SOBP: variants seen among roughly 807,000 people sequenced by gnomAD.
SOBP encodes sine oculis-binding protein homolog.
Under a neutral mutation model 53.6 loss-of-function variants are expected in SOBP, and 4 were observed. That is an observed-to-expected ratio of 0.07 (90% CI 0.04 to 0.17). The LOEUF (loss-of-function observed/expected upper bound fraction) is 0.17. SOBP is among the 10% of genes least tolerant of loss of function. The pLI is 1.00. For synonymous variants in SOBP, 584 were observed against 522.6 expected (o/e 1.12, Z -1.60); for missense variants, 1,088 against 1,204.7 (o/e 0.90, Z 1.43).
At chr6:107,500,755 G>C (rs1012225161) in intron 1 of SOBP, among the ~76,000 whole-genome samples, 5 of 152,078 alleles carry the variant, frequency 3.3e-5, no homozygotes, top group African/African-American at 7.2e-5. Flanking sequence ...TCGATCTCCT[G>C]ACCTTGTGAT....
intron 5 of SOBP, among the ~76,000 whole-genome samples, chr6:107,631,299 A>G (rs1358414): frequency 0.12 from 17,701 of 152,226 alleles, 1,203 homozygotes; most frequent in East Asian, 0.25. Context: ...GTCAATGATT[A>G]AAGAAGCTAT....
chr6:107,644,996 T>C (rs1771494061), intron 6 of SOBP, among the ~76,000 whole-genome samples: 1 of 152,154 alleles, frequency 6.6e-6, no homozygotes. Flanking sequence ...ACCTTAAATA[T>C]TGATTGAAAG....
chr6:107,545,566 A>G (rs1784277297), intron 4 of SOBP, among the ~76,000 whole-genome samples: 1 of 152,174 alleles, frequency 6.6e-6, no homozygotes, highest in South Asian at 2.1e-4. Context: ...GTGACAAATA[A>G]ATAGGCAGGT....
intron 3 of SOBP, among the ~76,000 whole-genome samples, chr6:107,507,706 C>A (rs1194509881): frequency 6.6e-6 from 1 of 152,116 alleles, no homozygotes; most frequent in East Asian, 1.9e-4. Context: ...CCCAGGGAAG[C>A]CCAAAGGTTG....
chr6:107,536,354 A>C (rs1230124580), intron 4 of SOBP, among the ~76,000 whole-genome samples: 1 of 152,194 alleles, frequency 6.6e-6, no homozygotes, highest in Non-Finnish European at 1.5e-5. Context: ...TGCATTTGTG[A>C]ATGTAAATTG....
intron 5 of SOBP, among the ~76,000 whole-genome samples, chr6:107,604,534 C>T (rs1182886645): frequency 6.6e-6 from 1 of 151,010 alleles, no homozygotes; most frequent in Non-Finnish European, 1.5e-5. Flanking sequence ...CCTACACCCT[C>T]TATCCCACCT....
intron 3 of SOBP, among the ~76,000 whole-genome samples, chr6:107,513,008 G>T (rs1783214943): frequency 6.6e-6 from 1 of 152,156 alleles, no homozygotes; most frequent in African/African-American, 2.4e-5. Flanking sequence ...CATTTATGTG[G>T]CAGTCTTGAA....
chr6:107,513,798 G>A (rs1447805505), intron 3 of SOBP, among the ~76,000 whole-genome samples: 1 of 151,842 alleles, frequency 6.6e-6, no homozygotes, highest in Admixed American at 6.6e-5. Flanking sequence ...GATAAGGACA[G>A]GAGGAATTAA....
At chr6:107,642,411 C>A (rs1343337785) in intron 6 of SOBP, among the ~76,000 whole-genome samples, 1 of 152,208 alleles carries the variant, frequency 6.6e-6, no homozygotes, top group Non-Finnish European at 1.5e-5. Flanking sequence ...GAATTATTCT[C>A]TAATGCTTTA....
chr6:107,564,721 T>TA (rs1304549460), intron 4 of SOBP, among the ~76,000 whole-genome samples: 2 of 152,236 alleles, frequency 1.3e-5, no homozygotes, highest in African/African-American at 4.8e-5. Context: ...TTCAGGCCGA[T>TA]ACTTTATTTT....
chr6:107,561,767 G>A (rs902191723), intron 4 of SOBP, among the ~76,000 whole-genome samples: 2 of 152,116 alleles, frequency 1.3e-5, no homozygotes, highest in Non-Finnish European at 2.9e-5. Context: ...AAAGCTTCCG[G>A]AAGACTGAGC....
chr6:107,577,143 C>A (rs1244141074), intron 4 of SOBP, among the ~76,000 whole-genome samples: 6 of 152,200 alleles, frequency 3.9e-5, no homozygotes, highest in Non-Finnish European at 8.8e-5. Context: ...TCCCCTTTGC[C>A]AAGACCTGTA....
chr6:107,575,851 A>G (rs985705647), intron 4 of SOBP, among the ~76,000 whole-genome samples: 1 of 152,198 alleles, frequency 6.6e-6, no homozygotes, highest in Non-Finnish European at 1.5e-5. Context: ...CCTAAACCCC[A>G]GTCAAATTCT....
chr6:107,645,691 G>C (rs1771527087), intron 6 of SOBP, among the ~76,000 whole-genome samples: 1 of 152,232 alleles, frequency 6.6e-6, no homozygotes, highest in Non-Finnish European at 1.5e-5. Flanking sequence ...GAGCACACAA[G>C]TATTCAGTGA....
intron 5 of SOBP, among the ~76,000 whole-genome samples, chr6:107,601,788 A>G (rs1227781534): frequency 6.6e-6 from 1 of 152,252 alleles, no homozygotes; most frequent in Admixed American, 6.5e-5. Context: ...ACAGAATTTA[A>G]TACCAATAAT....
At chr6:107,499,298 G>A (rs1023631685) in intron 1 of SOBP, among the ~76,000 whole-genome samples, 4 of 152,110 alleles carry the variant, frequency 2.6e-5, no homozygotes, top group African/African-American at 7.2e-5. Flanking sequence ...TTTCTGTCGT[G>A]AAAAGAGGAT....
chr6:107,566,468 G>A (rs1490674388), intron 4 of SOBP, among the ~76,000 whole-genome samples: 2 of 152,194 alleles, frequency 1.3e-5, no homozygotes, highest in Non-Finnish European at 2.9e-5. Context: ...AGATGTTACT[G>A]TGTATTTTAG....
At chr6:107,504,283 A>G (rs535310260) in intron 2 of SOBP, among the ~76,000 whole-genome samples, 34 of 152,306 alleles carry the variant, frequency 2.2e-4, no homozygotes, top group African/African-American at 8.2e-4. Flanking sequence ...TGACATTTTC[A>G]TTCTTTCCCT....
At chr6:107,521,808 T>G (rs1336794710) in intron 3 of SOBP, among the ~76,000 whole-genome samples, 1 of 152,000 alleles carries the variant, frequency 6.6e-6, no homozygotes, top group Non-Finnish European at 1.5e-5. Context: ...TTTCTTCTCC[T>G]TGTGCTGAGG....
Sources: allele counts gnomAD v4.1 joint callset (sites outside exome capture counted in the v4.1 genomes callset), GRCh38; gene constraint gnomAD v4.1.1; transcripts MANE v1.5; gene names NCBI Gene and HGNC (gene_info 2026-07-23, HGNC 2026-07-21).